The following SWT1 variants were observed in gnomAD, a reference collection of about 807,000 sequenced individuals.
The protein encoded by SWT1 is SWT1 RNA endoribonuclease homolog.
A neutral mutation model predicts 107.3 loss-of-function variants in SWT1; 33 were observed. The ratio of observed to expected loss-of-function variants is 0.31; its 90% CI spans 0.23 to 0.41. The LOEUF is 0.41. Ranked by LOEUF, SWT1 falls within the 10% of genes least tolerant of loss-of-function variation. The probability of loss-of-function intolerance (pLI) is 1.00; values close to 1 mark genes in which losing one functional copy is unlikely to be tolerated. For missense variants in SWT1, 898 were observed against 1,028.9 expected (o/e 0.87, Z 1.74); for synonymous variants, 345 against 348.3 (o/e 0.99, Z 0.11).
chr1:185,181,686 A>G (rs1251378253), intron 6 of SWT1, among the ~76,000 whole-genome samples: 9 of 152,244 alleles, frequency 5.9e-5, no homozygotes, highest in Admixed American at 5.2e-4. Context: ...AAAGATTCCT[A>G]TTTTGTGAAT....
chr1:185,168,289 A>G (rs1317844920), intron 3 of SWT1, 51 bp from the exon 4 acceptor site: 2 of 1,145,748 alleles, frequency 1.7e-6, no homozygotes, highest in Non-Finnish European at 1.2e-6. Context: ...AACTGTGGAA[A>G]AAAATATGTA....
chr1:185,211,984 C>T lies in SWT1; in HGVS notation c.1973-2523C>T, dbSNP rs570237956. Among the ~76,000 whole-genome samples the T allele has an allele frequency of 2.3e-4, 35 of 151,982 alleles. 1 individual carries two copies. Among genetic ancestry groups the T allele is most frequent in the Middle Eastern group, 3.4e-3 (1 of 294 alleles). The stretch of plus-strand genomic sequence containing the variant: ...AAAAACCAAACACTACATGTTCTCA[C>T]TCATAGGTGGGAATTGAACAATGAG... On this transcript the variant is annotated intron_variant, in intron 13 of 18. Transcript: ENST00000367500.
intron 16 of SWT1, among the ~76,000 whole-genome samples, chr1:185,235,048 TCTGAAATTGAGG>T (rs1660767168): frequency 1.3e-5 from 2 of 152,082 alleles, no homozygotes; most frequent in African/African-American, 4.8e-5. Context: ...AGTAACAAGT[TCTGAAATTGAGG>T]CAGCAATTAA....
intron 9 of SWT1, among the ~76,000 whole-genome samples, chr1:185,186,233 CT>C (rs1656453736): frequency 6.6e-6 from 1 of 152,052 alleles, no homozygotes; most frequent in East Asian, 1.9e-4. Context: ...ACTCATCTAT[CT>C]TTTTTTTAAA....
chr1:185,161,817 C>G (rs1654172482), intron 2 of SWT1, among the ~76,000 whole-genome samples: 1 of 152,134 alleles, frequency 6.6e-6, no homozygotes, highest in Non-Finnish European at 1.5e-5. Context: ...ACCATGTAAT[C>G]AGTTTCATTA....
rs1660517732 is a variant in SWT1 at position 185,231,695 on chromosome 1, G to C, written c.2428G>C (p.Glu810Gln). The C allele has an allele frequency of 6.2e-7, 1 of 1,604,292 alleles. No individual in the cohort carries two copies. The highest frequency in any genetic ancestry group is 1.7e-5 in the Admixed American group (1 of 59,654). Reference protein sequence around the residue: ...KLMAAVRDILEGIQRILAPNS... With the variant: ...KLMAAVRDILQGIQRILAPNS... The stretch of plus-strand genomic sequence containing the variant: ...AATGGCAGCTGTGAGGGATATTCTT[G>C]AAGGAATTCAAAGGTAAACACTATA... Residue 810 changes from glutamate (E) to glutamine (Q), a missense_variant, in exon 16 of 19, where the codon GAA (glutamate) becomes CAA (glutamine). By Grantham distance (29) the Glu-to-Gln change is conservative (BLOSUM62 2). Transcript: ENST00000367500.
At chr1:185,225,738 T>C (rs1659997949) in intron 15 of SWT1, among the ~76,000 whole-genome samples, 2 of 152,220 alleles carry the variant, frequency 1.3e-5, no homozygotes, top group Admixed American at 6.5e-5. Context: ...TCTAAGATGT[T>C]TGCATAACAA....
At chr1:185,188,277 C>T (rs569007308) in intron 9 of SWT1, among the ~76,000 whole-genome samples, 1 of 152,280 alleles carries the variant, frequency 6.6e-6, no homozygotes, top group East Asian at 1.9e-4. Flanking sequence ...TTTTCTGCTC[C>T]ATATATCTTA....
intron 5 of SWT1, among the ~76,000 whole-genome samples, 164 bp downstream of exon 5, chr1:185,175,277 C>G (rs1655448433): frequency 6.6e-6 from 1 of 150,660 alleles, no homozygotes; most frequent in South Asian, 2.1e-4. Flanking sequence ...AGCTGGAGTG[C>G]ATGCAGTGGC....
rs1157576166 is a variant in SWT1 at position 185,228,167 on chromosome 1, G to GTA, written c.2310-3409_2310-3408insAT. ...ACAGTATGTCACATTAAAAAAAAAT[G>GTA]TGTATATATATATATATATATACAT... On this transcript the variant is annotated intron_variant, in intron 15 of 18. Transcript: ENST00000367500. 6.5e-3 allele frequency among the ~76,000 whole-genome samples: 397 copies of GTA among 61,390 alleles called. 13 individuals carry two copies. Among genetic ancestry groups the GTA allele is most frequent in the East Asian group, 0.058 (180 of 3,106 alleles). The allele number at this position is 61,390 out of a possible 152,430, so 40.3% of individuals were successfully genotyped here. A position where few individuals can be genotyped will look rare whatever the true frequency, so the allele number is the denominator to read the frequency against.
intron 5 of SWT1, among the ~76,000 whole-genome samples, chr1:185,177,284 G>C (rs566173917): frequency 8.5e-4 from 130 of 152,302 alleles, no homozygotes; most frequent in African/African-American, 2.9e-3. Context: ...TCATTGCCTG[G>C]TTTTCCCATT....
chr1:185,270,758 A>T (rs944743867), intron 16 of SWT1, among the ~76,000 whole-genome samples: 1 of 152,086 alleles, frequency 6.6e-6, no homozygotes, highest in African/African-American at 2.4e-5. Context: ...GTCATTTGTT[A>T]TTTTTTTGTC....
chr1:185,180,883 A>G (rs1319422967), intron 6 of SWT1, among the ~76,000 whole-genome samples: 1 of 152,226 alleles, frequency 6.6e-6, no homozygotes, highest in Non-Finnish European at 1.5e-5. Flanking sequence ...TCATTTCCCA[A>G]CCAGAGTCCC....
intron 18 of SWT1, among the ~76,000 whole-genome samples, chr1:185,277,554 T>A (rs917386235): frequency 6.6e-6 from 1 of 152,184 alleles, no homozygotes; most frequent in Non-Finnish European, 1.5e-5. Context: ...CCTCCCAACA[T>A]GCTGGGATTA....
At chr1:185,237,101 T>A (rs1347281007) in intron 16 of SWT1, among the ~76,000 whole-genome samples, 1 of 152,232 alleles carries the variant, frequency 6.6e-6, no homozygotes, top group South Asian at 2.1e-4. Context: ...GCTTTTTCAC[T>A]GTTGGTGGCA....
At chr1:185,260,764 C>A (rs1662962785) in intron 16 of SWT1, among the ~76,000 whole-genome samples, 1 of 151,984 alleles carries the variant, frequency 6.6e-6, no homozygotes, top group Non-Finnish European at 1.5e-5. Context: ...AGAGTCAAGT[C>A]AGTAGTATAA....
chr1:185,206,208 C>T (rs1043411094), intron 12 of SWT1, among the ~76,000 whole-genome samples: 2 of 152,116 alleles, frequency 1.3e-5, no homozygotes, highest in South Asian at 2.1e-4. Context: ...ACGCCCACGT[C>T]GGCCTCCCAA....
At chr1:185,237,085 A>G (rs1374109974) in intron 16 of SWT1, among the ~76,000 whole-genome samples, 1 of 152,224 alleles carries the variant, frequency 6.6e-6, no homozygotes, top group Non-Finnish European at 1.5e-5. Context: ...GTGGAGAAAT[A>G]GGAATGCTTT....
intron 16 of SWT1, among the ~76,000 whole-genome samples, chr1:185,252,599 C>T (rs1571621204): frequency 1.3e-5 from 2 of 151,956 alleles, no homozygotes; most frequent in South Asian, 4.1e-4. Flanking sequence ...AGTGTCTGTT[C>T]ATGTCCTTCG....
Sources: allele counts gnomAD v4.1 joint callset (sites outside exome capture counted in the v4.1 genomes callset), GRCh38; gene constraint gnomAD v4.1.1; transcripts MANE v1.5; gene names NCBI Gene and HGNC (gene_info 2026-07-23, HGNC 2026-07-21).